Variants in RSPH3 observed in about 807,000 individuals in gnomAD.
The protein encoded by RSPH3 is radial spoke head 3, also known as radial spoke head protein 3 homolog.
Under a neutral mutation model 43.8 loss-of-function variants are expected in RSPH3, and 21 were observed. The observed-to-expected ratio is 0.48, with a 90% confidence interval of 0.34 to 0.69. The LOEUF (loss-of-function observed/expected upper bound fraction) is 0.69. RSPH3 is among the 30% of genes least tolerant of loss of function. The pLI is 0.01. For synonymous variants in RSPH3, 173 were observed against 179.8 expected (o/e 0.96, Z 0.30); for missense variants, 487 against 516.0 (o/e 0.94, Z 0.54).
chr6:158,984,879 T>C (rs1778175309), intron 3 of RSPH3, among the ~76,000 whole-genome samples: 2 of 152,206 alleles, frequency 1.3e-5, no homozygotes, highest in South Asian at 4.1e-4. Context: ...TCTGATGGTG[T>C]AAAGAAACAT....
chr6:158,997,867 A>G (rs1304117086), intron 1 of RSPH3, among the ~76,000 whole-genome samples: 1 of 152,100 alleles, frequency 6.6e-6, no homozygotes. Flanking sequence ...GTTTTCTTAC[A>G]GTGATAGACA....
chr6:158,981,189 T>G (rs1334648736), intron 5 of RSPH3, among the ~76,000 whole-genome samples: 2 of 152,196 alleles, frequency 1.3e-5, no homozygotes, highest in East Asian at 3.8e-4. Context: ...TTTCAAGACA[T>G]AATGCTTGAC....
rs1348629142 is a variant in RSPH3, at chr6:158,975,704, A to G, written c.*1834T>C. 1.3e-5 allele frequency: 2 copies of G among 152,248 alleles called. No homozygotes were observed. The highest frequency in any genetic ancestry group is 2.9e-5 in the Non-Finnish European group (2 of 68,038). 9.4% of individuals were successfully genotyped at this position (152,248 alleles called of 1,614,324 possible). A position where few individuals can be genotyped will look rare whatever the true frequency, so the allele number is the denominator to read the frequency against. Reference sequence around the variant, plus strand: ...ATACAAATATTGTCATGCATTCTTCAGAAGGTTGCCATGAGGCCTAAGTGT... The same window carrying G: ...ATACAAATATTGTCATGCATTCTTCGGAAGGTTGCCATGAGGCCTAAGTGT... On this transcript the variant is annotated 3_prime_UTR_variant, in exon 8 of 8. Coordinates refer to ENST00000367069, the MANE Select transcript of RSPH3 (RefSeq NM_031924.8).
chr6:158,998,297 CAAAAA>C (rs71297000), intron 1 of RSPH3, among the ~76,000 whole-genome samples: 11 of 53,922 alleles, frequency 2.0e-4, no homozygotes, highest in East Asian at 6.0e-4. Flanking sequence ...TAAAAAAATA[CAAAAA>C]AAAAAAAAAA....
In RSPH3 at chr6:159,000,115, C is replaced by G. The variant is rs1778822452; in HGVS notation, c.-565G>C. 2 of 918,876 alleles carry G rather than the reference C, an allele frequency of 2.2e-6. No individual in the cohort carries two copies. Among genetic ancestry groups the G allele is most frequent in the East Asian group, 2.9e-5 (1 of 34,114 alleles). The allele number at this position is 918,876 out of a possible 1,614,324, so 56.9% of individuals were successfully genotyped here. A position where few individuals can be genotyped will look rare whatever the true frequency, so the allele number is the denominator to read the frequency against. ...GTGTCCTCGGCTGTTTCTCCTGCCG[C>G]GGCGCAGCAGCGCTCCCAGGCTGCC... On this transcript the variant is annotated 5_prime_UTR_variant, in exon 1 of 8. Transcript: ENST00000367069.
chr6:158,999,572 C>T lies in RSPH3; in HGVS notation c.-22G>A. On this transcript the variant is annotated 5_prime_UTR_variant, in exon 1 of 8. Transcript: ENST00000367069. ...CCATGTCCGGGGGCTGACTGCCTCGCTTTCGGTGGAGCTTGGCTTTGAAGC... is the reference window on the plus strand; with the variant it reads ...CCATGTCCGGGGGCTGACTGCCTCGTTTTCGGTGGAGCTTGGCTTTGAAGC... The T allele has an allele frequency of 6.2e-7, 1 of 1,607,406 alleles. No homozygotes were observed. Among genetic ancestry groups the T allele is most frequent in the Non-Finnish European group, 8.5e-7 (1 of 1,175,226 alleles).
chr6:158,985,774 G>A (rs566120927), intron 3 of RSPH3, among the ~76,000 whole-genome samples: 33 of 149,914 alleles, frequency 2.2e-4, no homozygotes, highest in South Asian at 6.3e-4. Flanking sequence ...TATCCACTAT[G>A]ATAATAGTAT....
At chr6:158,983,138 C>T (rs2128606836) in intron 4 of RSPH3, among the ~76,000 whole-genome samples, 1 of 152,108 alleles carries the variant, frequency 6.6e-6, no homozygotes, top group East Asian at 1.9e-4. Flanking sequence ...CTTTCAAGTT[C>T]CCACAAGTGT....
intron 5 of RSPH3, 107 bp from the exon 6 acceptor site, chr6:158,981,043 G>T: frequency 9.6e-7 from 1 of 1,037,356 alleles, no homozygotes. Context: ...AAAATGGACA[G>T]CGAGGTGTCT....
At chr6:158,992,711 A>T (rs1274237347) in intron 2 of RSPH3, among the ~76,000 whole-genome samples, 1 of 152,098 alleles carries the variant, frequency 6.6e-6, no homozygotes, top group Non-Finnish European at 1.5e-5. Flanking sequence ...TAAGTGGAGG[A>T]GCATCTCTAT....
At chr6:158,969,439 C>G (rs1409887256), downstream of RSPH3, among the ~76,000 whole-genome samples, 1 of 152,182 alleles carries the variant, frequency 6.6e-6, no homozygotes, top group East Asian at 1.9e-4. Flanking sequence ...TTTCAAGATT[C>G]TATTTGTCTC....
intron 2 of RSPH3, 29 bp downstream of exon 2, chr6:158,993,810 C>T (rs753007332): frequency 5.3e-5 from 65 of 1,221,286 alleles, no homozygotes; most frequent in Admixed American, 4.4e-4. Flanking sequence ...TGTGAGAACA[C>T]GGTGTTAGAC....
chr6:158,984,468 A>G (rs1394982700), intron 3 of RSPH3, among the ~76,000 whole-genome samples: 2 of 135,002 alleles, frequency 1.5e-5, no homozygotes, highest in Admixed American at 7.6e-5. Context: ...ATATATATAT[A>G]TATATATTTG....
downstream of RSPH3, among the ~76,000 whole-genome samples, chr6:158,969,525 G>A (rs920126139): frequency 3.9e-5 from 6 of 152,160 alleles, no homozygotes; most frequent in Admixed American, 2.6e-4. Flanking sequence ...TTCACTGAAC[G>A]TCTTGAATGT....
intron 4 of RSPH3, 55 bp from the exon 5 acceptor site, chr6:158,982,743 A>C (rs1778077828): frequency 1.6e-6 from 2 of 1,221,100 alleles, no homozygotes; most frequent in Non-Finnish European, 2.4e-6. Flanking sequence ...TCAAATGCTC[A>C]ACAAAAATAT....
intron 6 of RSPH3, among the ~76,000 whole-genome samples, chr6:158,979,099 T>C (rs1777945192): frequency 6.6e-6 from 1 of 152,120 alleles, no homozygotes; most frequent in Non-Finnish European, 1.5e-5. Context: ...CATCTAGAAA[T>C]AGGTCAGAAA....
At chr6:158,992,019 G>A (rs1208857787) in intron 2 of RSPH3, among the ~76,000 whole-genome samples, 4 of 143,048 alleles carry the variant, frequency 2.8e-5, no homozygotes, top group Non-Finnish European at 4.5e-5. Context: ...TGTGTTAGAT[G>A]ATTTTTCCCA....
chr6:158,999,992 G>A lies in RSPH3; in HGVS notation c.-442C>T, dbSNP rs1358499003. 2.6e-6 allele frequency: 4 copies of A among 1,561,336 alleles called. No homozygotes were observed. In the African/African-American group the frequency reaches 5.4e-5, roughly 21 times the overall value. ...TGACCGTCATCCTTGAGGCCTGCGG[G>A]GCAACGGTGGCTGTCCTTGGCCCGG... On this transcript the variant is annotated 5_prime_UTR_variant, in exon 1 of 8. Coordinates refer to ENST00000367069, the MANE Select transcript of RSPH3 (RefSeq NM_031924.8).
At chr6:158,969,375 T>C (rs936009007), downstream of RSPH3, among the ~76,000 whole-genome samples, 2 of 152,250 alleles carry the variant, frequency 1.3e-5, no homozygotes, top group African/African-American at 2.4e-5. Flanking sequence ...AGAAGTCAGC[T>C]GTTAATGTTA....
Sources: allele counts gnomAD v4.1 joint callset (sites outside exome capture counted in the v4.1 genomes callset), GRCh38; gene constraint gnomAD v4.1.1; transcripts MANE v1.5; gene names NCBI Gene and HGNC (gene_info 2026-07-23, HGNC 2026-07-21).